Variants in STK4 observed in about 807,000 individuals in gnomAD.
The protein encoded by STK4 is serine/threonine kinase 4, also known as serine/threonine-protein kinase 4.
Under a neutral mutation model 64.9 loss-of-function variants are expected in STK4, and 30 were observed. That is an observed-to-expected ratio of 0.46 (90% CI 0.35 to 0.63). The LOEUF (loss-of-function observed/expected upper bound fraction) is 0.63. Ranked by LOEUF, STK4 falls within the 20% of genes least tolerant of loss-of-function variation. The pLI is 0.01. For missense variants in STK4, 466 were observed against 598.5 expected (o/e 0.78, Z 2.31); for synonymous variants, 177 against 199.0 (o/e 0.89, Z 0.93).
chr20:45,035,314 T>G (rs2145408041), intron 10 of STK4, among the ~76,000 whole-genome samples: 1 of 152,236 alleles, frequency 6.6e-6, no homozygotes, highest in Middle Eastern at 3.4e-3. Context: ...TTAAAAGAAA[T>G]AAATAGAGCA....
intron 5 of STK4, among the ~76,000 whole-genome samples, chr20:44,989,183 C>G (rs889115690): frequency 6.6e-6 from 1 of 152,148 alleles, no homozygotes; most frequent in African/African-American, 2.4e-5. Flanking sequence ...TTTTAAGGAA[C>G]TGCCAAACTG....
intron 1 of STK4, among the ~76,000 whole-genome samples, chr20:44,968,273 G>A (rs1022170990): frequency 1.3e-5 from 2 of 152,156 alleles, no homozygotes; most frequent in Non-Finnish European, 2.9e-5. Flanking sequence ...GTGTAACTGG[G>A]ACCACAGGTG....
chr20:45,008,281 C>T (rs1159124644), intron 9 of STK4, among the ~76,000 whole-genome samples: 1 of 152,198 alleles, frequency 6.6e-6, no homozygotes, highest in Non-Finnish European at 1.5e-5. Context: ...TCTCGAACTC[C>T]TGACCTCAAA....
rs749201774 is a variant in STK4, at chr20:45,000,432, G to A, written c.872G>A (p.Arg291Gln). 1.5e-5 allele frequency: 25 copies of A among 1,613,866 alleles called. No individual in the cohort carries two copies. The East Asian group carries it at 4.2e-4, about 27-fold the overall frequency. Residue 291 changes from arginine to glutamine, a missense_variant, in exon 8 of 11, where the codon CGA becomes CAA. By Grantham distance (43) the Arg-to-Gln change is conservative. This residue lies in a region of STK4 where 276 missense variants were observed against 308.9 expected (regional missense o/e 0.89). Transcript: ENST00000372806. ...VRSAKGVSIL[R>Q]DLINEAMDVK... is the part of the protein sequence containing the mutation. ...AGTGCCAAAGGAGTGTCAATACTGC[G>A]AGACTTAATTAATGAAGCCATGGAT... is the stretch of plus-strand genomic sequence containing the variant.
rs2067688271 is a variant in STK4, at chr20:44,994,294, C to T, written c.526-796C>T. Reference sequence around the variant, plus strand: ...ATAATTAATGGTTTGGTGTGTATTACTCCAGATTTTTTGTGCTATGATATA... The same window carrying T: ...ATAATTAATGGTTTGGTGTGTATTATTCCAGATTTTTTGTGCTATGATATA... On this transcript the variant is annotated intron_variant, in intron 5 of 10. Coordinates refer to ENST00000372806, the MANE Select transcript of STK4 (RefSeq NM_006282.5). Among the ~76,000 whole-genome samples, 2 of 149,690 alleles carry T rather than the reference C, an allele frequency of 1.3e-5. 1 individual carries two copies. The highest frequency in any genetic ancestry group is 4.2e-4 in the South Asian group (2 of 4,752).
At chr20:44,997,809 C>T (rs1053394347) in intron 7 of STK4, among the ~76,000 whole-genome samples, 2 of 152,128 alleles carry the variant, frequency 1.3e-5, no homozygotes, top group African/African-American at 4.8e-5. Flanking sequence ...TAAGAAAATA[C>T]AGGGCAGTAT....
intron 10 of STK4, among the ~76,000 whole-genome samples, chr20:45,030,019 C>T (rs6031938): frequency 0.14 from 21,737 of 151,858 alleles, 1,759 homozygotes; most frequent in East Asian, 0.22. Flanking sequence ...AAGAGCTAGT[C>T]CTTTGAGTGA....
chr20:44,995,337 G>A, intron 6 of STK4, 80 bp downstream of exon 6: 1 of 1,498,798 alleles, frequency 6.7e-7, no homozygotes, highest in Non-Finnish European at 9.0e-7. Context: ...CAGGTGTTGT[G>A]GCTCACACGT....
chr20:45,079,575 G>A lies in STK4; in HGVS notation c.*4399G>A, dbSNP rs1227718032. 1 of 152,296 alleles carries A rather than the reference G, an allele frequency of 6.6e-6. No homozygotes were observed. The highest frequency in any genetic ancestry group is 2.4e-5 in the African/African-American group (1 of 41,330). 9.4% of individuals were successfully genotyped at this position (152,296 alleles called of 1,614,324 possible). A position where few individuals can be genotyped will look rare whatever the true frequency, so the allele number is the denominator to read the frequency against. On this transcript the variant is annotated 3_prime_UTR_variant, in exon 11 of 11. Transcript: ENST00000372806. ...TATATTCATTGTCTTTGGAATACATGTTCTTGTTTGTGTTTGGAAAAAAAA... is the reference window on the plus strand; with the variant it reads ...TATATTCATTGTCTTTGGAATACATATTCTTGTTTGTGTTTGGAAAAAAAA...
At chr20:44,998,474 G>C in intron 7 of STK4, among the ~76,000 whole-genome samples, 1 of 152,096 alleles carries the variant, frequency 6.6e-6, no homozygotes, top group East Asian at 1.9e-4. Context: ...TTATAATTGG[G>C]CTAGGCCAAC....
chr20:45,049,389 A>G (rs1375983223), intron 10 of STK4, among the ~76,000 whole-genome samples: 1 of 152,200 alleles, frequency 6.6e-6, no homozygotes, highest in Non-Finnish European at 1.5e-5. Context: ...TTATTCCTAG[A>G]TATGCAGGAC....
chr20:45,033,151 C>A (rs975571271), intron 10 of STK4, among the ~76,000 whole-genome samples: 2 of 151,962 alleles, frequency 1.3e-5, no homozygotes, highest in Non-Finnish European at 2.9e-5. Context: ...TGTTTAAGTT[C>A]CTTACAGATT....
At chr20:45,045,957 C>G (rs2068688303) in intron 10 of STK4, among the ~76,000 whole-genome samples, 1 of 143,808 alleles carries the variant, frequency 7.0e-6, no homozygotes, top group Non-Finnish European at 1.5e-5. Flanking sequence ...CAGGTGCATG[C>G]CACCATGCCT....
intron 10 of STK4, among the ~76,000 whole-genome samples, chr20:45,049,915 T>G (rs1441300088): frequency 6.6e-6 from 1 of 151,974 alleles, no homozygotes; most frequent in Non-Finnish European, 1.5e-5. Context: ...TTCCTTCCCC[T>G]CCCCTCTCTA....
Position 44,995,237 on chromosome 20 carries a change from G to A in STK4, c.673G>A (p.Ala225Thr). 2 of 1,613,090 alleles carry A rather than the reference G, an allele frequency of 1.2e-6. No homozygotes were observed. Among genetic ancestry groups the A allele is most frequent in the Middle Eastern group, 1.7e-4 (1 of 6,052 alleles). Residue 225 changes from alanine (A) to threonine (T), a missense_variant, in exon 6 of 11, where the codon GCT becomes ACT. Physicochemically the swap from Ala to Thr is moderately conservative, Grantham distance 58. Around this residue, in one of 2 missense-constraint regions of STK4, gnomAD observed 190 missense variants for 289.7 expected, o/e 0.66. Coordinates refer to ENST00000372806, the MANE Select transcript of STK4 (RefSeq NM_006282.5). ...IEMAEGKPPY[A>T]DIHPMRAIFM... ...AATGGCTGAAGGAAAGCCCCCTTAT[G>A]CTGATATCCATCCAATGAGGGTAAG...
At chr20:45,033,027 G>A (rs1284997922) in intron 10 of STK4, among the ~76,000 whole-genome samples, 1 of 152,136 alleles carries the variant, frequency 6.6e-6, no homozygotes, top group South Asian at 2.1e-4. Context: ...GGTTAGTGAT[G>A]TTGAGTATTT....
intron 10 of STK4, among the ~76,000 whole-genome samples, chr20:45,045,718 ACTTT>A (rs2068683110): frequency 6.6e-6 from 1 of 152,054 alleles, no homozygotes; most frequent in South Asian, 2.1e-4. Flanking sequence ...TTTAATTTGT[ACTTT>A]CTTTTGCTGT....
chr20:44,993,831 T>G (rs2067679287), intron 5 of STK4, among the ~76,000 whole-genome samples: 1 of 152,088 alleles, frequency 6.6e-6, no homozygotes, highest in South Asian at 2.1e-4. Context: ...ATACAAAAAT[T>G]AGTCGGGCAT....
At position 45,025,435 on chromosome 20, in the gene STK4, G is replaced by A. The variant is rs115596691; in HGVS notation, c.1305+305G>A. On this transcript the variant is annotated intron_variant, in intron 10 of 10. Coordinates refer to ENST00000372806, the MANE Select transcript of STK4 (RefSeq NM_006282.5). ...GCAACTGTCTTTAATAGTTTATTTG[G>A]GGTTTTGATTTTATATTTAAGAATT... 1.3e-3 allele frequency among the ~76,000 whole-genome samples: 205 copies of A among 152,232 alleles called. 1 individual carries two copies. The highest frequency in any genetic ancestry group is 4.8e-3 in the African/African-American group (200 of 41,536).
Sources: allele counts gnomAD v4.1 joint callset (sites outside exome capture counted in the v4.1 genomes callset), GRCh38; gene constraint gnomAD v4.1.1; regional missense constraint gnomAD v4.1.1; transcripts MANE v1.5; gene names NCBI Gene and HGNC (gene_info 2026-07-23, HGNC 2026-07-21).